BCL11B: variants seen among roughly 807,000 people sequenced by gnomAD.
BCL11B encodes BCL11 transcription factor B.
BCL11B carries 8 observed loss-of-function variants against 49.9 expected under a neutral mutation model. The observed-to-expected ratio is 0.16, with a 90% confidence interval of 0.09 to 0.29. The LOEUF is 0.29. Ranked by LOEUF, BCL11B falls within the 10% of genes least tolerant of loss-of-function variation. The pLI is 1.00. For missense variants in BCL11B, 1,006 were observed against 1,351.0 expected (o/e 0.74, Z 4.00); for synonymous variants, 739 against 637.4 (o/e 1.16, Z -2.40).
At chr14:99,270,911 G>A (rs1297218759) in intron 1 of BCL11B, among the ~76,000 whole-genome samples, 3 of 151,018 alleles carry the variant, frequency 2.0e-5, no homozygotes, top group African/African-American at 7.3e-5. Flanking sequence ...TCCCCGGCCC[G>A]GAGCCGGCTC....
intron 3 of BCL11B, among the ~76,000 whole-genome samples, chr14:99,220,039 G>A (rs1399117489): frequency 6.6e-6 from 1 of 152,160 alleles, no homozygotes. Context: ...ACATCCCTGA[G>A]AGGCAGGTTC....
chr14:99,266,328 C>G (rs1199092880), intron 1 of BCL11B, among the ~76,000 whole-genome samples: 1 of 152,154 alleles, frequency 6.6e-6, no homozygotes, highest in East Asian at 1.9e-4. Context: ...ACATGCAAGA[C>G]AGAAATGAGC....
intron 3 of BCL11B, among the ~76,000 whole-genome samples, chr14:99,204,971 C>A (rs1887492019): frequency 1.3e-5 from 2 of 152,154 alleles, no homozygotes; most frequent in Admixed American, 1.3e-4. Flanking sequence ...GTGACAACAC[C>A]ATTACAGTCT....
chr14:99,271,015 T>G (rs1889660409), intron 1 of BCL11B, 146 bp downstream of exon 1: 12 of 815,004 alleles, frequency 1.5e-5, no homozygotes, highest in Non-Finnish European at 3.5e-6. Flanking sequence ...CCCCCCGCCA[T>G]GCTCCAGGCC....
rs977836231 is a variant in BCL11B, at chr14:99,195,962, A to T, written c.641-19767T>A. On this transcript the variant is annotated intron_variant, in intron 3 of 3. Coordinates refer to ENST00000357195, the MANE Select transcript of BCL11B (RefSeq NM_138576.4). This position sits in a 1 kb window ranked among gnomAD's most constrained non-coding sequence, Gnocchi z 4.7. ...CTTCCTAGATAAATATCTGGAAAGA[A>T]GTCGGGAAACAATTAAAACTAGAAG... is the stretch of plus-strand genomic sequence containing the variant. 6.6e-6 allele frequency among the ~76,000 whole-genome samples: 1 copy of T among 152,168 alleles called. No individual in the cohort carries two copies. Among genetic ancestry groups the T allele is most frequent in the Non-Finnish European group, 1.5e-5 (1 of 68,022 alleles).
chr14:99,240,500 A>T (rs2664313), intron 2 of BCL11B, among the ~76,000 whole-genome samples: 20,788 of 152,250 alleles, frequency 0.14, 1,864 homozygotes, highest in Middle Eastern at 0.19. Context: ...AATGTCACTG[A>T]CTAAAAAATT....
At chr14:99,267,582 G>A (rs1312894361) in intron 1 of BCL11B, among the ~76,000 whole-genome samples, 1 of 150,806 alleles carries the variant, frequency 6.6e-6, no homozygotes, top group Non-Finnish European at 1.5e-5. Flanking sequence ...AAAAAAAGAG[G>A]GCTATGTCTT....
In BCL11B at chr14:99,174,742, G is replaced by A. The variant is rs1251753966; in HGVS notation, c.2094C>T (p.Pro698=). Residue 698 remains proline (P), a synonymous_variant, in exon 4 of 4, where the codon CCC becomes CCT. Transcript: ENST00000357195. Reference sequence around the variant, plus strand: ...CGTTCTCGGACGGGATGAGCGCGGCGGGCGGCAGCTCCAGGTCCTTCTCCA... The same window carrying A: ...CGTTCTCGGACGGGATGAGCGCGGCAGGCGGCAGCTCCAGGTCCTTCTCCA... ...IKVEKDLELP[P]AALIPSENVY... 5.2e-6 allele frequency: 8 copies of A among 1,526,804 alleles called. No individual in the cohort carries two copies. The African/African-American group carries it at 5.7e-5, about 11-fold the overall frequency. 94.6% of individuals were successfully genotyped at this position (1,526,804 alleles called of 1,614,324 possible). A position where few individuals can be genotyped will look rare whatever the true frequency, so the allele number is the denominator to read the frequency against.
At chr14:99,236,618 G>A (rs543030230) in intron 2 of BCL11B, among the ~76,000 whole-genome samples, 96 of 152,238 alleles carry the variant, frequency 6.3e-4, no homozygotes, top group African/African-American at 2.2e-3. Context: ...GGGATGTGAC[G>A]CTGGAGAGCT....
chr14:99,198,198 T>A (rs1410225370), intron 3 of BCL11B, among the ~76,000 whole-genome samples: 1 of 152,220 alleles, frequency 6.6e-6, no homozygotes, highest in African/African-American at 2.4e-5. Flanking sequence ...ACTGTCTGAT[T>A]TTCAAGGAAA....
intron 1 of BCL11B, among the ~76,000 whole-genome samples, chr14:99,260,657 T>A (rs938974177): frequency 7.9e-5 from 12 of 152,184 alleles, no homozygotes; most frequent in Admixed American, 7.2e-4. Context: ...CTTTTTTTTA[T>A]TTTTTTATTT....
At chr14:99,193,286 G>A (rs564503493) in intron 3 of BCL11B, among the ~76,000 whole-genome samples, 15 of 152,230 alleles carry the variant, frequency 9.9e-5, no homozygotes, top group South Asian at 2.1e-4. Context: ...GAAAGGCCCC[G>A]CTAATACACA....
chr14:99,239,467 C>T (rs953026487), intron 2 of BCL11B, among the ~76,000 whole-genome samples: 1 of 152,146 alleles, frequency 6.6e-6, no homozygotes, highest in African/African-American at 2.4e-5. Flanking sequence ...AGGGGCCAGA[C>T]TCCAATGACA....
chr14:99,246,069 G>T (rs111362020), intron 2 of BCL11B, among the ~76,000 whole-genome samples: 1 of 147,520 alleles, frequency 6.8e-6, no homozygotes. Context: ...CATGCCCCCC[G>T]CCCCCCAAAG....
chr14:99,220,938 C>A (rs1168319836), intron 3 of BCL11B, among the ~76,000 whole-genome samples: 1 of 152,088 alleles, frequency 6.6e-6, no homozygotes, highest in African/African-American at 2.4e-5. Context: ...GCAACCTCCA[C>A]CTCCCGGGTT....
rs2139742637 is a variant in BCL11B at position 99,170,620 on chromosome 14, AG to A, written c.*3530del. The A allele has an allele frequency of 4.3e-6, 1 of 232,988 alleles. No individual in the cohort carries two copies. Among genetic ancestry groups the A allele is most frequent in the East Asian group, 6.1e-5 (1 of 16,476 alleles). The allele number at this position is 232,988 out of a possible 1,614,324, so 14.4% of individuals were successfully genotyped here. A position where few individuals can be genotyped will look rare whatever the true frequency, so the allele number is the denominator to read the frequency against. ...AGGATGAAGGATGGAGAGGAAACGC[AG>A]GGGAAGGAGAGAGAACGAGATATGG... is the stretch of plus-strand genomic sequence containing the variant. On this transcript the variant is annotated 3_prime_UTR_variant, in exon 4 of 4. Transcript: ENST00000357195.
chr14:99,237,352 G>A (rs1161751130), intron 2 of BCL11B, among the ~76,000 whole-genome samples: 1 of 151,862 alleles, frequency 6.6e-6, no homozygotes, highest in Non-Finnish European at 1.5e-5. Flanking sequence ...AAGCAGAAAG[G>A]GAAAGCAAAG....
chr14:99,226,118 C>T (rs903632532), intron 3 of BCL11B, among the ~76,000 whole-genome samples: 2 of 152,190 alleles, frequency 1.3e-5, no homozygotes, highest in East Asian at 1.9e-4. Context: ...CTGGGACCAC[C>T]GGCCCTTGGG....
chr14:99,211,388 C>G (rs1196471958), intron 3 of BCL11B, among the ~76,000 whole-genome samples: 1 of 152,200 alleles, frequency 6.6e-6, no homozygotes, highest in East Asian at 1.9e-4. Context: ...TTGTCTGGGC[C>G]CCTCACTCCA....
Sources: gnomAD v4.1 joint callset for allele counts (sites outside exome capture counted in the v4.1 genomes callset) on GRCh38, gnomAD v4.1.1 for gene constraint, Gnocchi (gnomAD v3.1) non-coding constraint, MANE v1.5 for transcripts, NCBI Gene and HGNC (gene_info 2026-07-23, HGNC 2026-07-21) for gene names.